SLC2A13: variants seen among roughly 807,000 people sequenced by gnomAD.
SLC2A13 encodes proton myo-inositol cotransporter.
A neutral mutation model predicts 64.4 loss-of-function variants in SLC2A13; 32 were observed. The ratio of observed to expected loss-of-function variants is 0.50; its 90% CI spans 0.37 to 0.67. The LOEUF is 0.67. Ranked by LOEUF, SLC2A13 falls within the 30% of genes least tolerant of loss-of-function variation. The pLI is 0.00. For missense variants in SLC2A13, 743 were observed against 829.2 expected (o/e 0.90, Z 1.28); for synonymous variants, 338 against 327.1 (o/e 1.03, Z -0.36).
chr12:39,786,653 C>T (rs1229079372), intron 7 of SLC2A13, among the ~76,000 whole-genome samples: 1 of 152,164 alleles, frequency 6.6e-6, no homozygotes, highest in Non-Finnish European at 1.5e-5. Context: ...CCTGACCACA[C>T]CACAGAAAAT....
chr12:40,022,991 G>A (rs918141854), intron 3 of SLC2A13, among the ~76,000 whole-genome samples: 3 of 152,116 alleles, frequency 2.0e-5, no homozygotes, highest in African/African-American at 7.2e-5. Flanking sequence ...ATAAAAGGCT[G>A]CTCTTTACTG....
At chr12:39,951,190 T>C (rs1436277229) in intron 4 of SLC2A13, 67 bp downstream of exon 4, 11 of 1,344,740 alleles carry the variant, frequency 8.2e-6, no homozygotes, top group Non-Finnish European at 1.2e-5. Context: ...TGAAATACTT[T>C]TCACTATTTC....
At chr12:40,100,718 CT>C (rs1939114526) in intron 1 of SLC2A13, among the ~76,000 whole-genome samples, 1 of 152,074 alleles carries the variant, frequency 6.6e-6, no homozygotes. Context: ...AATCCCAGCA[CT>C]TTGGAAGGCC....
chr12:39,856,971 CA>C (rs1213976468), intron 6 of SLC2A13, among the ~76,000 whole-genome samples: 1 of 152,160 alleles, frequency 6.6e-6, no homozygotes, highest in Non-Finnish European at 1.5e-5. Context: ...CAATTGCTGT[CA>C]CAGTCCTGGA....
intron 1 of SLC2A13, among the ~76,000 whole-genome samples, chr12:40,059,384 G>C (rs1948382294): frequency 6.6e-6 from 1 of 152,164 alleles, no homozygotes; most frequent in Non-Finnish European, 1.5e-5. Flanking sequence ...GATACACATT[G>C]AGTATGGAAA....
At chr12:40,025,513 T>C (rs549097817) in intron 3 of SLC2A13, among the ~76,000 whole-genome samples, 1 of 152,340 alleles carries the variant, frequency 6.6e-6, no homozygotes, top group South Asian at 2.1e-4. Flanking sequence ...AGATAAGACA[T>C]GGTTTACTGA....
intron 1 of SLC2A13, among the ~76,000 whole-genome samples, chr12:40,071,169 A>T (rs1435905449): frequency 6.6e-6 from 1 of 152,132 alleles, no homozygotes; most frequent in African/African-American, 2.4e-5. Context: ...TGTCTCACTG[A>T]TCTACGCGTG....
At chr12:39,815,457 G>A (rs1485537533) in intron 7 of SLC2A13, among the ~76,000 whole-genome samples, 1 of 152,140 alleles carries the variant, frequency 6.6e-6, no homozygotes, top group East Asian at 1.9e-4. Flanking sequence ...CTCGTAGGCT[G>A]GAGCATTCTT....
At chr12:39,889,407 T>G (rs1944545094) in intron 4 of SLC2A13, among the ~76,000 whole-genome samples, 1 of 152,112 alleles carries the variant, frequency 6.6e-6, no homozygotes, top group Admixed American at 6.6e-5. Context: ...AGCCTTATAC[T>G]CTAACAAATT....
At chr12:40,079,958 G>A (rs191442072) in intron 1 of SLC2A13, among the ~76,000 whole-genome samples, 83 of 152,248 alleles carry the variant, frequency 5.5e-4, no homozygotes, top group African/African-American at 1.9e-3. Context: ...CCATCTCCCA[G>A]GTTCAAGTGA....
At chr12:40,094,857 C>T (rs558387238) in intron 1 of SLC2A13, among the ~76,000 whole-genome samples, 1 of 152,140 alleles carries the variant, frequency 6.6e-6, no homozygotes, top group Non-Finnish European at 1.5e-5. Context: ...AGAGAAAGAG[C>T]TGGAATGACA....
At chr12:40,037,177 C>T (rs1055590066) in intron 2 of SLC2A13, among the ~76,000 whole-genome samples, 2 of 152,074 alleles carry the variant, frequency 1.3e-5, no homozygotes, top group African/African-American at 4.8e-5. Flanking sequence ...TGAAATTGGA[C>T]TCAAATTTAC....
chr12:39,960,566 G>C (rs545626075), intron 3 of SLC2A13, among the ~76,000 whole-genome samples: 1 of 152,026 alleles, frequency 6.6e-6, no homozygotes, highest in South Asian at 2.1e-4. Context: ...TTCTAGTAGA[G>C]ACAGGGTTTC....
chr12:40,006,091 G>A (rs921286086), intron 3 of SLC2A13, among the ~76,000 whole-genome samples: 2 of 148,622 alleles, frequency 1.3e-5, no homozygotes, highest in Non-Finnish European at 3.0e-5. Flanking sequence ...CCCACCATAT[G>A]AGTATAAATT....
intron 4 of SLC2A13, among the ~76,000 whole-genome samples, chr12:39,873,433 C>T (rs553530340): frequency 6.6e-6 from 1 of 152,254 alleles, no homozygotes; most frequent in East Asian, 1.9e-4. Flanking sequence ...ACCTGTATGG[C>T]AATGTCAAAC....
intron 3 of SLC2A13, among the ~76,000 whole-genome samples, chr12:39,971,653 T>C (rs1000960256): frequency 6.6e-6 from 1 of 152,046 alleles, no homozygotes; most frequent in East Asian, 1.9e-4. Flanking sequence ...TGTTAGGGGT[T>C]TGGAACAACA....
chr12:40,011,300 G>A (rs1005091374), intron 3 of SLC2A13, among the ~76,000 whole-genome samples: 3 of 152,134 alleles, frequency 2.0e-5, no homozygotes, highest in Admixed American at 6.5e-5. Context: ...TCCCTGAGCT[G>A]TGACAATCAA....
chr12:39,928,410 G>A (rs1486009894), intron 4 of SLC2A13, among the ~76,000 whole-genome samples: 1 of 152,134 alleles, frequency 6.6e-6, no homozygotes, highest in Non-Finnish European at 1.5e-5. Flanking sequence ...TTTTGTGTGA[G>A]TGGTGGAATC....
chr12:39,832,650 C>T (rs773305236), intron 6 of SLC2A13, among the ~76,000 whole-genome samples: 2 of 152,034 alleles, frequency 1.3e-5, no homozygotes, highest in Non-Finnish European at 2.9e-5. Flanking sequence ...ACAGTCACTG[C>T]CCTCGTGAAG....
Sources: gnomAD v4.1 joint callset for allele counts (sites outside exome capture counted in the v4.1 genomes callset) on GRCh38, gnomAD v4.1.1 for gene constraint, MANE v1.5 for transcripts, NCBI Gene and HGNC (gene_info 2026-07-23, HGNC 2026-07-21) for gene names.